Variants in BAG6 observed in about 807,000 individuals in gnomAD.
BAG6 encodes the protein BAG cochaperone 6, also known as large proline-rich protein BAG6.
A neutral mutation model predicts 121.0 loss-of-function variants in BAG6; 22 were observed. The observed-to-expected ratio is 0.18, with a 90% CI of 0.13 to 0.26. BAG6 has a LOEUF of 0.26. BAG6 is among the 10% of genes least tolerant of loss of function. The pLI is 1.00. For missense variants in BAG6, 1,233 were observed against 1,537.7 expected (o/e 0.80, Z 3.31); for synonymous variants, 583 against 584.6 (o/e 1.00, Z 0.04).
In BAG6 at chr6:31,641,952, G is replaced by C. The variant is rs571085529; in HGVS notation, c.2336-7C>G. The C allele has an allele frequency of 3.2e-5, 52 of 1,612,550 alleles. No homozygotes were observed. Among genetic ancestry groups the C allele is most frequent in the South Asian group, 4.4e-5 (4 of 91,064 alleles). On this transcript the variant is annotated splice_region_variant and splice_polypyrimidine_tract_variant and intron_variant, in intron 16 of 25. Transcript: ENST00000676615. This position sits in a 1 kb window ranked among gnomAD's most constrained non-coding sequence, Gnocchi z 5.7. ...AGCAAGGCCCCAAAGAATCCTGGGG[G>C]ACAAGGGCAGATGTTAGCAATGGCC...
In BAG6 at chr6:31,642,320, G is replaced by A; in HGVS notation, c.2127C>T (p.Gly709=). Residue 709 remains glycine (G), a synonymous_variant, in exon 16 of 26, where the codon GGC becomes GGT. Transcript: ENST00000676615. ...APEQQTMPPP[G]SPSGGAGSPG... ...GACTCCCTGCGCCACCAGAAGGGGA[G>A]CCTGGTGGGGGCATGGTCTGCTGCT... 6.4e-7 allele frequency: 1 copy of A among 1,558,686 alleles called. No individual in the cohort carries two copies. Among genetic ancestry groups the A allele is most frequent in the Non-Finnish European group, 8.7e-7 (1 of 1,153,060 alleles).
At position 31,640,363 on chromosome 6, in the gene BAG6, T is replaced by A. The variant is rs537754271; in HGVS notation, c.3138+22A>T. 3.7e-6 allele frequency: 6 copies of A among 1,614,184 alleles called. No individual in the cohort carries two copies. The South Asian group carries it at 6.6e-5, about 18-fold the overall frequency. On this transcript the variant is annotated intron_variant, in intron 23 of 25. Transcript: ENST00000676615. The surrounding 1 kb of genome is among the most constrained non-coding windows in gnomAD (Gnocchi z 4.2). ...TTGACTTTCAGCTGCCATGACCCAC[T>A]GGATTACTTCCTGACACTTACTGGG... is the stretch of plus-strand genomic sequence containing the variant.
Position 31,644,551 on chromosome 6 carries a change from C to T in BAG6, c.1421G>A (p.Gly474Glu). The part of the protein sequence containing the change: ...GVPSAPTGPL[G>E]PPGHGQTLGS... ...CAGGGTTTGGCCATGACCAGGGGGT[C>T]CCAGGGGGCCAGTGGGAGCACTCGG... Residue 474 changes from glycine to glutamate, a missense_variant, in exon 11 of 26, where the codon GGA becomes GAA. This residue lies in a region of BAG6 where 777 missense variants were observed against 861.4 expected (regional missense o/e 0.90). Transcript: ENST00000676615. This position sits in a 1 kb window ranked among gnomAD's most constrained non-coding sequence, Gnocchi z 4.9. The T allele has an allele frequency of 1.2e-6, 2 of 1,612,056 alleles. No homozygotes were observed. Among genetic ancestry groups the T allele is most frequent in the Non-Finnish European group, 1.7e-6 (2 of 1,179,556 alleles).
At chr6:31,650,025 C>T (rs535689189) in intron 2 of BAG6, among the ~76,000 whole-genome samples, 1 of 152,148 alleles carries the variant, frequency 6.6e-6, no homozygotes, top group African/African-American at 2.4e-5. Context: ...CACTTGAATT[C>T]GGGAGGCGGA....
chr6:31,652,320 A>AACACACACAC (rs879204976), intron 1 of BAG6, 104 bp downstream of exon 1: 3,535 of 121,696 alleles, frequency 0.029, 60 homozygotes, highest in Middle Eastern at 0.058. Flanking sequence ...CCCACAGCCA[A>AACACACACAC]ACACACACAC....
Position 31,646,483 on chromosome 6 carries a change from G to T in BAG6, c.829C>A (p.Leu277Ile). The change falls in exon 8 of 26, where the codon CTA becomes ATA. Residue 277 changes from leucine to isoleucine, a missense_variant. Leu to Ile is a conservative substitution (Grantham distance 5). Around this residue, in one of 7 missense-constraint regions of BAG6, gnomAD observed 777 missense variants for 861.4 expected, o/e 0.90. Coordinates refer to ENST00000676615, the MANE Select transcript of BAG6 (RefSeq NM_001387994.1). ...TGGAGGCGACTCTCCAGCCGCTGTA[G>T]CTCCTGGAGCACCTCGACATACTCC... ...PAEYVEVLQE[L>I]QRLESRLQPF... 2 of 1,612,890 alleles carry T rather than the reference G, an allele frequency of 1.2e-6. No homozygotes were observed. Among genetic ancestry groups the T allele is most frequent in the Non-Finnish European group, 1.7e-6 (2 of 1,179,998 alleles).
In BAG6 at chr6:31,640,589, C is replaced by T; in HGVS notation, c.2994+56G>A. On this transcript the variant is annotated intron_variant, in intron 22 of 25. Coordinates refer to ENST00000676615, the MANE Select transcript of BAG6 (RefSeq NM_001387994.1). This position sits in a 1 kb window ranked among gnomAD's most constrained non-coding sequence, Gnocchi z 4.2. ...AATTTTTAGCCTCCAAACCTTTCTC[C>T]CCCAGCCCTCCACTCCACATTATCT... is the stretch of plus-strand genomic sequence containing the variant. 1.2e-6 allele frequency: 2 copies of T among 1,612,682 alleles called. No individual in the cohort carries two copies. The highest frequency in any genetic ancestry group is 1.1e-5 in the South Asian group (1 of 91,072).
At chr6:31,643,445 C>T (rs1395682960) in intron 14 of BAG6, among the ~76,000 whole-genome samples, 11 of 150,934 alleles carry the variant, frequency 7.3e-5, no homozygotes, top group African/African-American at 2.7e-4. Context: ...AAAAGCTGGC[C>T]GGGCACGATG....
Position 31,640,609 on chromosome 6 carries a change from T to G in BAG6, c.2994+36A>C, listed in dbSNP as rs753857786. 6.8e-6 allele frequency: 11 copies of G among 1,612,676 alleles called. No individual in the cohort carries two copies. In the African/African-American group the frequency reaches 8.0e-5, roughly 12 times the overall value. On this transcript the variant is annotated intron_variant, in intron 22 of 25. Transcript: ENST00000676615. This position sits in a 1 kb window ranked among gnomAD's most constrained non-coding sequence, Gnocchi z 4.2. ...TTCTCCCCCAGCCCTCCACTCCACA[T>G]TATCTGGCCCCTCAACCTCCCCCTC...
In BAG6 at chr6:31,641,527, A is replaced by AGG. The variant is rs1561886532; in HGVS notation, c.2559+10_2559+11dup. On this transcript the variant is annotated intron_variant, in intron 18 of 25. Coordinates refer to ENST00000676615, the MANE Select transcript of BAG6 (RefSeq NM_001387994.1). This position sits in a 1 kb window ranked among gnomAD's most constrained non-coding sequence, Gnocchi z 5.7. The stretch of plus-strand genomic sequence containing the variant: ...ACCCAGGAGAGGAAAGGAATAGAGA[A>AGG]GGGTTACTCACAAAACTCTCCCGCA... The AGG allele has an allele frequency of 6.2e-7, 1 of 1,614,170 alleles. No individual in the cohort carries two copies. Among genetic ancestry groups the AGG allele is most frequent in the South Asian group, 1.1e-5 (1 of 91,078 alleles).
chr6:31,642,220 G>A lies in BAG6; in HGVS notation c.2227C>T (p.Leu743=). The change falls in exon 16 of 26, where the codon CTG becomes TTG. Residue 743 remains leucine (L), a synonymous_variant. Transcript: ENST00000676615. ...SVVQGVLSSL[L]GSLGARAGSS... is the part of the protein sequence containing the mutation. Reference sequence around the variant, plus strand: ...CCAGCCCGAGCCCCCAGGGAGCCCAGCAGGGAGCTGAGCACACCCTGCACC... The same window carrying A: ...CCAGCCCGAGCCCCCAGGGAGCCCAACAGGGAGCTGAGCACACCCTGCACC... 6.2e-7 allele frequency: 1 copy of A among 1,612,872 alleles called. No homozygotes were observed. Among genetic ancestry groups the A allele is most frequent in the African/African-American group, 1.3e-5 (1 of 75,002 alleles).
At chr6:31,647,987 A>C in intron 6 of BAG6, 161 bp from the exon 7 acceptor site, 1 of 959,936 alleles carries the variant, frequency 1.0e-6, no homozygotes, top group Non-Finnish European at 1.4e-6. Context: ...TAAGACTGAC[A>C]CAAATTAGAT....
At position 31,639,480 on chromosome 6, in the gene BAG6, A is replaced by G. The variant is rs201690317; in HGVS notation, c.3393+20T>C. 1.1e-4 allele frequency: 178 copies of G among 1,610,300 alleles called. No homozygotes were observed. The highest frequency in any genetic ancestry group is 1.4e-4 in the Non-Finnish European group (161 of 1,177,648). On this transcript the variant is annotated intron_variant, in intron 25 of 25. Transcript: ENST00000676615. ...CAACCCCTCCCACTAGACCATCCCTATTCTGCTTCAAGGTGGCACCTGCTG... is the reference window on the plus strand; with the variant it reads ...CAACCCCTCCCACTAGACCATCCCTGTTCTGCTTCAAGGTGGCACCTGCTG...
Position 31,646,435 on chromosome 6 carries a change from C to G in BAG6, c.877G>C (p.Glu293Gln). 1 of 1,612,956 alleles carries G rather than the reference C, an allele frequency of 6.2e-7. No individual in the cohort carries two copies. The highest frequency in any genetic ancestry group is 8.5e-7 in the Non-Finnish European group (1 of 1,180,018). ...RLQPFLQRYY[E>Q]VLGAAATTDY... ...GTGGTGGCAGCAGCACCCAGAACCTCGTAGTAGCGCTGCAAGAAGGGCTGG... is the reference window on the plus strand; with the variant it reads ...GTGGTGGCAGCAGCACCCAGAACCTGGTAGTAGCGCTGCAAGAAGGGCTGG... The change falls in exon 8 of 26, where the codon GAG becomes CAG. Residue 293 changes from glutamate (E) to glutamine (Q), a missense_variant. Glu to Gln is a conservative substitution (Grantham distance 29). Around this residue, in one of 7 missense-constraint regions of BAG6, gnomAD observed 777 missense variants for 861.4 expected, o/e 0.90. Transcript: ENST00000676615.
Position 31,645,051 on chromosome 6 carries a change from G to C in BAG6, c.1264C>G (p.Pro422Ala). The C allele has an allele frequency of 6.2e-7, 1 of 1,612,910 alleles. No homozygotes were observed. Reference sequence around the variant, plus strand: ...GGCGGGGGAGCTGGACCTGGCGGGGGAGCCCCCTCAGCTGAGGACTCGACA... The same window carrying C: ...GGCGGGGGAGCTGGACCTGGCGGGGCAGCCCCCTCAGCTGAGGACTCGACA... The part of the protein sequence containing the change: ...TNVESSAEGA[P>A]PPGPAPPPAT... Residue 422 changes from proline (P) to alanine (A), a missense_variant, in exon 10 of 26, where the codon CCC (proline) becomes GCC (alanine). Transcript: ENST00000676615.
At position 31,641,674 on chromosome 6, in the gene BAG6, T is replaced by C; in HGVS notation, c.2506-82A>G. The C allele has an allele frequency of 1.2e-6, 2 of 1,610,360 alleles. No homozygotes were observed. Among genetic ancestry groups the C allele is most frequent in the Non-Finnish European group, 1.7e-6 (2 of 1,176,704 alleles). On this transcript the variant is annotated intron_variant, in intron 17 of 25. Coordinates refer to ENST00000676615, the MANE Select transcript of BAG6 (RefSeq NM_001387994.1). This position sits in a 1 kb window ranked among gnomAD's most constrained non-coding sequence, Gnocchi z 5.7. ...CCTCGACCCCAACAAGTCCAGGGCT[T>C]GTGTGGGGGCAATTGGAGCTTTACC...
intron 7 of BAG6, among the ~76,000 whole-genome samples, chr6:31,646,771 T>G (rs971768209): frequency 2.4e-5 from 3 of 125,472 alleles, no homozygotes; most frequent in African/African-American, 5.8e-5. Flanking sequence ...TTTTTGTTTT[T>G]TTTTTTTTTT....
chr6:31,642,596 C>A (rs1179521001), intron 15 of BAG6, 193 bp from the exon 16 acceptor site: 3 of 648,788 alleles, frequency 4.6e-6, no homozygotes, highest in Non-Finnish European at 7.9e-6. Flanking sequence ...CTACCTCTTC[C>A]TCTGAACAGG....
Position 31,644,857 on chromosome 6 carries a change from T to A in BAG6, c.1369+89A>T, listed in dbSNP as rs556398136. The A allele has an allele frequency of 6.6e-7, 1 of 1,524,514 alleles. No individual in the cohort carries two copies. The highest frequency in any genetic ancestry group is 1.4e-5 in the African/African-American group (1 of 72,498). The allele number at this position is 1,524,514 out of a possible 1,614,324, so 94.4% of individuals were successfully genotyped here. On this transcript the variant is annotated intron_variant, in intron 10 of 25. Transcript: ENST00000676615. This position sits in a 1 kb window ranked among gnomAD's most constrained non-coding sequence, Gnocchi z 4.9. ...CAGGCTACCACCACCAGCATGTGCCTCTCCCTTCCCCACCCTGTTCCCTCA... is the reference window on the plus strand; with the variant it reads ...CAGGCTACCACCACCAGCATGTGCCACTCCCTTCCCCACCCTGTTCCCTCA...
Sources: allele counts gnomAD v4.1 joint callset (sites outside exome capture counted in the v4.1 genomes callset), GRCh38; gene constraint gnomAD v4.1.1; regional missense constraint gnomAD v4.1.1; non-coding constraint Gnocchi (gnomAD v3.1); transcripts MANE v1.5; gene names NCBI Gene and HGNC (gene_info 2026-07-23, HGNC 2026-07-21).